INTS1: variants seen among roughly 807,000 people sequenced by gnomAD.
INTS1 encodes the protein integrator complex subunit 1.
INTS1 carries 137 observed loss-of-function variants against 241.6 expected under a neutral mutation model. The observed-to-expected ratio is 0.57, with a 90% CI of 0.49 to 0.65. INTS1 has a LOEUF of 0.65. Ranked by LOEUF, INTS1 falls within the 30% of genes least tolerant of loss-of-function variation. The pLI is 0.00. For missense variants in INTS1, 3,073 were observed against 3,032.2 expected (o/e 1.01, Z -0.32); for synonymous variants, 1,692 against 1,337.8 (o/e 1.26, Z -5.78).
rs1458882654 is a variant in INTS1 at position 1,496,251 on chromosome 7, A to G, written c.1616T>C (p.Val539Ala). 5 of 1,613,494 alleles carry G rather than the reference A, an allele frequency of 3.1e-6. No individual in the cohort carries two copies. The highest frequency in any genetic ancestry group is 4.2e-6 in the Non-Finnish European group (5 of 1,179,758). Residue 539 changes from valine (V) to alanine (A), a missense_variant, in exon 12 of 48, where the codon GTG (valine) becomes GCG (alanine). Coordinates refer to ENST00000404767, the MANE Select transcript of INTS1 (RefSeq NM_001080453.3). ...LEMEFKERFV[V>A]HITDVLAVSM... ...CACGGCCAGGACGTCGGTGATGTGC[A>G]CCACGAAGCGCTCCTGCAGGTGCAG...
Position 1,478,436 on chromosome 7 carries a change from G to A in INTS1, c.4560C>T (p.Thr1520=), listed in dbSNP as rs200759347. The A allele has an allele frequency of 1.8e-4, 290 of 1,612,518 alleles. 2 individuals are homozygous for A. In the African/African-American group the frequency reaches 3.0e-3, roughly 17 times the overall value. Residue 1520 remains threonine, a synonymous_variant, in exon 33 of 48, where the codon ACC becomes ACT. Coordinates refer to ENST00000404767, the MANE Select transcript of INTS1 (RefSeq NM_001080453.3). ...FRQDLEVVSS[T]VRAVIATLRS... ...TCAGGGTGGCGATGACGGCACGGAC[G>A]GTGGAGCTGACCACCTCCAGGTCCT...
intron 13 of INTS1, 118 bp from the exon 14 acceptor site, chr7:1,495,011 G>T: frequency 8.3e-7 from 1 of 1,208,374 alleles, no homozygotes; most frequent in Non-Finnish European, 1.2e-6. Flanking sequence ...CGGGCTGCCT[G>T]GTGCCCAAGC....
At position 1,492,990 on chromosome 7, in the gene INTS1, G is replaced by A. The variant is rs1223332334; in HGVS notation, c.2165+20C>T. On this transcript the variant is annotated intron_variant, in intron 16 of 47. Transcript: ENST00000404767. The stretch of plus-strand genomic sequence containing the variant: ...CGCGGGCTTACCCGGGCGGGAGTGG[G>A]GAGCGGGGCGTGGGCTTACCCCGGT... 6.3e-7 allele frequency: 1 copy of A among 1,591,490 alleles called. No individual in the cohort carries two copies. Among genetic ancestry groups the A allele is most frequent in the South Asian group, 1.1e-5 (1 of 90,118 alleles).
rs1782925959 is a variant in INTS1, at chr7:1,497,612, C to T, written c.1426-298G>A. On this transcript the variant is annotated intron_variant, in intron 10 of 47. Transcript: ENST00000404767. This position sits in a 1 kb window ranked among gnomAD's most constrained non-coding sequence, Gnocchi z 5.3. Reference sequence around the variant, plus strand: ...ACCAGGCGGCAAAGCCATAGAAGCGCGTGTGCCATCTCAGCCCACCCGTGC... The same window carrying T: ...ACCAGGCGGCAAAGCCATAGAAGCGTGTGTGCCATCTCAGCCCACCCGTGC... 6.6e-6 allele frequency among the ~76,000 whole-genome samples: 1 copy of T among 152,200 alleles called. No homozygotes were observed.
At chr7:1,482,827 G>T in intron 26 of INTS1, 120 bp from the exon 27 acceptor site, 1 of 1,223,160 alleles carries the variant, frequency 8.2e-7, no homozygotes, top group Non-Finnish European at 1.1e-6. Context: ...CTTGGGAGGA[G>T]CACGGGGCTC....
intron 40 of INTS1, 131 bp downstream of exon 40, chr7:1,474,574 C>A (rs1781624744): frequency 7.5e-7 from 1 of 1,333,740 alleles, no homozygotes; most frequent in South Asian, 1.5e-5. Flanking sequence ...TTCCCCCGGT[C>A]AAGCTCAGCC....
rs894563118 is a variant in INTS1 at position 1,477,691 on chromosome 7, C to A, written c.4815-18G>T. ...CCTCCAGGCTGCAGGGAGAAGGTGG[C>A]TCAGGGAAGGGCTGGTGCCACCCGC... On this transcript the variant is annotated intron_variant, in intron 34 of 47. Coordinates refer to ENST00000404767, the MANE Select transcript of INTS1 (RefSeq NM_001080453.3). 6.2e-7 allele frequency: 1 copy of A among 1,600,384 alleles called. No individual in the cohort carries two copies. Among genetic ancestry groups the A allele is most frequent in the Non-Finnish European group, 8.5e-7 (1 of 1,173,324 alleles).
In INTS1 at chr7:1,493,950, C is replaced by T; in HGVS notation, c.1911-39G>A. ...GAGGCATGACTCGGTGTGGGCTGCC[C>T]ACACCTGCCAGACCTGAGGGGCCGA... is the stretch of plus-strand genomic sequence containing the variant. On this transcript the variant is annotated intron_variant, in intron 14 of 47. Transcript: ENST00000404767. This position sits in a 1 kb window ranked among gnomAD's most constrained non-coding sequence, Gnocchi z 5.3. 4.6e-6 allele frequency: 7 copies of T among 1,535,746 alleles called. 1 individual carries two copies. The South Asian group carries it at 8.5e-5, about 19-fold the overall frequency.
Position 1,474,679 on chromosome 7 carries a change from C to T in INTS1, c.5636+26G>A, listed in dbSNP as rs760492174. On this transcript the variant is annotated intron_variant, in intron 40 of 47. Coordinates refer to ENST00000404767, the MANE Select transcript of INTS1 (RefSeq NM_001080453.3). Reference sequence around the variant, plus strand: ...CCCCCCTGGTTAAACCAGTGTCTGGCGAGGGCAGGGCTTCTGGGACAGCAC... The same window carrying T: ...CCCCCCTGGTTAAACCAGTGTCTGGTGAGGGCAGGGCTTCTGGGACAGCAC... The T allele has an allele frequency of 4.5e-6, 7 of 1,546,792 alleles. No individual in the cohort carries two copies. The African/African-American group carries it at 5.5e-5, about 12-fold the overall frequency.
chr7:1,487,635 C>T, intron 19 of INTS1, 125 bp downstream of exon 19: 1 of 1,326,198 alleles, frequency 7.5e-7, no homozygotes, highest in Non-Finnish European at 1.0e-6. Context: ...CGGGGCTCCA[C>T]AGGCCTTTCA....
chr7:1,483,701 C>G (rs368188256), intron 26 of INTS1, 41 bp downstream of exon 26: 6 of 1,522,314 alleles, frequency 3.9e-6, no homozygotes, highest in South Asian at 2.2e-5. Flanking sequence ...TGTGGCCCAC[C>G]TGGCACGAAG....
chr7:1,473,763 C>T (rs1488877262), intron 41 of INTS1, 70 bp from the exon 42 acceptor site: 1 of 1,587,594 alleles, frequency 6.3e-7, no homozygotes, highest in Non-Finnish European at 8.6e-7. Context: ...GTGCTCCCAT[C>T]TGCTCCCAGA....
intron 16 of INTS1, among the ~76,000 whole-genome samples, 154 bp downstream of exon 16, chr7:1,492,846 GGGAGTGGGGA>G (rs1782634968): frequency 7.2e-6 from 1 of 138,166 alleles, no homozygotes. Context: ...GGCGGGAGTG[GGGAGTGGGGA>G]GCGGGGCGCG....
At chr7:1,472,953 C>A in intron 43 of INTS1, 119 bp downstream of exon 43, 1 of 622,830 alleles carries the variant, frequency 1.6e-6, no homozygotes, top group South Asian at 2.2e-5. Flanking sequence ...AGGTCCCAGG[C>A]TCACACAGCC....
At chr7:1,483,078 C>G (rs559488382) in intron 26 of INTS1, 23 of 243,146 alleles carry the variant, frequency 9.5e-5, no homozygotes, top group Non-Finnish European at 1.7e-4. Flanking sequence ...CACACAGGGC[C>G]AGCTTCTCCG....
intron 24 of INTS1, among the ~76,000 whole-genome samples, chr7:1,484,663 T>G (rs1782162165): frequency 6.6e-6 from 1 of 152,196 alleles, no homozygotes; most frequent in Non-Finnish European, 1.5e-5. Context: ...CAAACCCTCC[T>G]GGCGTCGGGG....
chr7:1,472,163 T>G, intron 44 of INTS1, 110 bp downstream of exon 44: 2 of 799,264 alleles, frequency 2.5e-6, no homozygotes, highest in Non-Finnish European at 4.2e-6. Flanking sequence ...CAGCCCAGCG[T>G]GGGCCAGGCT....
chr7:1,474,712 G>T lies in INTS1; in HGVS notation c.5629C>A (p.Leu1877Met). The part of the protein sequence containing the change: ...RKLAVAHPLL[L>M]LRHLPMIAAL... Reference sequence around the variant, plus strand: ...GGGCTTCTGGGACAGCACCTGAGCAGCAGCAGCGGGTGCGCCACCGCCAGC... The same window carrying T: ...GGGCTTCTGGGACAGCACCTGAGCATCAGCAGCGGGTGCGCCACCGCCAGC... The change falls in exon 40 of 48, where the codon CTG becomes ATG. Residue 1877 changes from leucine (L) to methionine (M), a missense_variant. By Grantham distance (15) the Leu-to-Met change is conservative. Coordinates refer to ENST00000404767, the MANE Select transcript of INTS1 (RefSeq NM_001080453.3). The T allele has an allele frequency of 6.4e-7, 1 of 1,560,080 alleles. No individual in the cohort carries two copies. The highest frequency in any genetic ancestry group is 8.7e-7 in the Non-Finnish European group (1 of 1,154,228).
At position 1,474,341 on chromosome 7, in the gene INTS1, C is replaced by T; in HGVS notation, c.5656G>A (p.Ala1886Thr). 1 of 1,601,806 alleles carries T rather than the reference C, an allele frequency of 6.2e-7. No individual in the cohort carries two copies. Among genetic ancestry groups the T allele is most frequent in the Non-Finnish European group, 8.5e-7 (1 of 1,175,870 alleles). ...LLLRHLPMIA[A>T]LLHGRTHLNF... ...AGGTGGGTGCGGCCGTGCAGGAGCG[C>T]CGCGATCATGGGCAGGTGCCTGCGG... Residue 1886 changes from alanine (A) to threonine (T), a missense_variant, in exon 41 of 48, where the codon GCG becomes ACG. Transcript: ENST00000404767.
Sources: allele counts gnomAD v4.1 joint callset (sites outside exome capture counted in the v4.1 genomes callset), GRCh38; gene constraint gnomAD v4.1.1; non-coding constraint Gnocchi (gnomAD v3.1); transcripts MANE v1.5; gene names NCBI Gene and HGNC (gene_info 2026-07-23, HGNC 2026-07-21).